HDAC9: variants seen among roughly 807,000 people sequenced by gnomAD.
HDAC9 encodes histone deacetylase 9, also known as MEF-2 interacting transcription repressor (MITR) protein.
HDAC9 carries 41 observed loss-of-function variants against 139.4 expected under a neutral mutation model. The ratio of observed to expected loss-of-function variants is 0.29; its 90% CI spans 0.23 to 0.38. HDAC9 has a LOEUF of 0.38. HDAC9 is among the 10% of genes least tolerant of loss of function. HDAC9 has a pLI of 1.00. For synonymous variants in HDAC9, 517 were observed against 476.2 expected (o/e 1.09, Z -1.12); for missense variants, 1,147 against 1,297.0 (o/e 0.88, Z 1.78).
At chr7:18,546,630 T>C (rs1319636747) in intron 2 of HDAC9, among the ~76,000 whole-genome samples, 1 of 152,202 alleles carries the variant, frequency 6.6e-6, no homozygotes, top group Non-Finnish European at 1.5e-5. Context: ...AATAGGCAAG[T>C]TGTTTGCTTT....
chr7:18,316,187 T>G (rs918927688), intron 1 of HDAC9, among the ~76,000 whole-genome samples: 9 of 152,116 alleles, frequency 5.9e-5, no homozygotes, highest in Admixed American at 1.3e-4. Context: ...GATTTTGCAT[T>G]TCTAACAAGC....
chr7:18,849,702 GA>G (rs765791931), intron 21 of HDAC9, among the ~76,000 whole-genome samples: 1 of 151,886 alleles, frequency 6.6e-6, no homozygotes, highest in African/African-American at 2.4e-5. Context: ...TTTTGCTGAG[GA>G]AAAAAATACT....
At chr7:18,498,875 T>C (rs1797648214) in intron 2 of HDAC9, among the ~76,000 whole-genome samples, 1 of 152,114 alleles carries the variant, frequency 6.6e-6, no homozygotes, top group African/African-American at 2.4e-5. Flanking sequence ...GAACCTAAGA[T>C]CTTGGTTTTC....
intron 22 of HDAC9, among the ~76,000 whole-genome samples, chr7:18,929,075 A>C (rs887651607): frequency 6.6e-6 from 1 of 152,100 alleles, no homozygotes; most frequent in Non-Finnish European, 1.5e-5. Flanking sequence ...GAAGCATTTG[A>C]GACATGTCAC....
chr7:18,522,177 A>G (rs2128217763), intron 2 of HDAC9, among the ~76,000 whole-genome samples: 1 of 152,354 alleles, frequency 6.6e-6, no homozygotes, highest in East Asian at 1.9e-4. Flanking sequence ...GTTCATTTAT[A>G]GAGAGATTGC....
intron 2 of HDAC9, among the ~76,000 whole-genome samples, chr7:18,181,732 G>A (rs1789447997): frequency 6.6e-6 from 1 of 151,892 alleles, no homozygotes; most frequent in South Asian, 2.1e-4. Context: ...CCTTGTGCTT[G>A]GTTCTAGGTG....
At chr7:18,721,579 C>CTGTCATTGTCAT (rs1265640900) in intron 12 of HDAC9, among the ~76,000 whole-genome samples, 3 of 152,106 alleles carry the variant, frequency 2.0e-5, no homozygotes, top group Non-Finnish European at 4.4e-5. Context: ...TTTATGATTT[C>CTGTCATTGTCAT]TGTCATTTGC....
chr7:18,753,564 T>C lies in HDAC9; in HGVS notation c.2043+4426T>C, dbSNP rs933455345. On this transcript the variant is annotated intron_variant, in intron 14 of 25. Coordinates refer to ENST00000686413, the MANE Select transcript of HDAC9 (RefSeq NM_178425.4). ...ACCAACAGAGCAGTCAATTTTACAA[T>C]TAATGAAATAAAAAAATACATAATA... Among the ~76,000 whole-genome samples, 5 of 152,206 alleles carry C rather than the reference T, an allele frequency of 3.3e-5. No homozygotes were observed. The South Asian group carries it at 1.0e-3, about 32-fold the overall frequency.
At chr7:18,340,652 A>G (rs1356015206) in intron 1 of HDAC9, among the ~76,000 whole-genome samples, 5 of 151,430 alleles carry the variant, frequency 3.3e-5, no homozygotes, top group Admixed American at 1.3e-4. Context: ...GTGTGTTTCC[A>G]TTTCTCCCTC....
chr7:18,531,710 T>C (rs1809011398), intron 2 of HDAC9, among the ~76,000 whole-genome samples: 1 of 152,074 alleles, frequency 6.6e-6, no homozygotes, highest in South Asian at 2.1e-4. Flanking sequence ...ACTCTTTAAC[T>C]ATACAATGTA....
At chr7:18,798,485 C>A (rs971571565) in intron 17 of HDAC9, among the ~76,000 whole-genome samples, 4 of 152,122 alleles carry the variant, frequency 2.6e-5, no homozygotes, top group East Asian at 1.9e-4. Context: ...GGTAGCCTTA[C>A]CAAATCACAG....
intron 12 of HDAC9, among the ~76,000 whole-genome samples, chr7:18,706,167 T>TC (rs1408614729): frequency 6.9e-6 from 1 of 144,898 alleles, no homozygotes; most frequent in African/African-American, 2.5e-5. Flanking sequence ...TTCCTTTTTT[T>TC]TTTTTTTTTT....
At position 18,474,059 on chromosome 7, in the gene HDAC9, A is replaced by G. The variant is rs7802282; in HGVS notation, c.-41-22203A>G. ...CAAAGAAGAAATGGAGGAAGGGGAT[A>G]GCATGGTAACATTTCTCTGAGGAAG... On this transcript the variant is annotated intron_variant, in intron 1 of 3. Coordinates refer to the HDAC9 transcript ENST00000413509. Among the ~76,000 whole-genome samples the G allele has an allele frequency of 8.6e-3, 1,309 of 152,352 alleles. 20 individuals carry two copies. The highest frequency in any genetic ancestry group is 0.03 in the African/African-American group (1,232 of 41,580).
intron 2 of HDAC9, among the ~76,000 whole-genome samples, chr7:18,583,506 G>T (rs527405781): frequency 6.6e-6 from 1 of 151,874 alleles, no homozygotes; most frequent in South Asian, 2.1e-4. Context: ...ATCACTTGAG[G>T]TCAGGAATTC....
chr7:18,676,340 TC>T (rs1781506634), intron 12 of HDAC9, among the ~76,000 whole-genome samples: 1 of 151,818 alleles, frequency 6.6e-6, no homozygotes, highest in South Asian at 2.1e-4. Context: ...CTGGGAAACT[TC>T]CCCCCTCCCC....
intron 17 of HDAC9, among the ~76,000 whole-genome samples, chr7:18,804,372 C>G (rs1026704956): frequency 6.6e-6 from 1 of 152,134 alleles, no homozygotes; most frequent in African/African-American, 2.4e-5. Context: ...TACACGTCCA[C>G]CCTCACACAT....
chr7:18,947,353 T>C (rs565317968), intron 23 of HDAC9, among the ~76,000 whole-genome samples: 2 of 152,034 alleles, frequency 1.3e-5, no homozygotes, highest in South Asian at 4.1e-4. Flanking sequence ...GATCGAACTC[T>C]AGTAAGACTG....
chr7:18,571,607 C>T (rs1452117347), intron 2 of HDAC9, among the ~76,000 whole-genome samples: 2 of 151,776 alleles, frequency 1.3e-5, no homozygotes, highest in African/African-American at 4.8e-5. Context: ...GGCTTTAAAA[C>T]TTTATTTTAT....
At chr7:18,665,129 T>C (rs1794468669) in intron 11 of HDAC9, among the ~76,000 whole-genome samples, 1 of 152,148 alleles carries the variant, frequency 6.6e-6, no homozygotes, top group African/African-American at 2.4e-5. Context: ...TTTGTAATTA[T>C]GTGTGAGTGG....
Sources: allele counts gnomAD v4.1 joint callset (sites outside exome capture counted in the v4.1 genomes callset), GRCh38; gene constraint gnomAD v4.1.1; transcripts MANE v1.5; gene names NCBI Gene and HGNC (gene_info 2026-07-23, HGNC 2026-07-21).